XIRP2: variants seen among roughly 807,000 people sequenced by gnomAD.
The protein encoded by XIRP2 is xin actin binding repeat containing 2.
Under a neutral mutation model 277.0 loss-of-function variants are expected in XIRP2, and 236 were observed. That is an observed-to-expected ratio of 0.85 (90% confidence interval 0.77 to 0.95). The LOEUF is 0.95. XIRP2 is among the 40% of genes least tolerant of loss of function. The pLI is 0.00. For missense variants in XIRP2, 4,640 were observed against 4,157.5 expected, an observed-to-expected ratio of 1.12 and a Z score of -3.19; for synonymous variants, 1,490 against 1,416.5, an observed-to-expected ratio of 1.05 and a Z score of -1.17.
At chr2:166,998,023 T>C (rs951485151) in intron 2 of XIRP2, among the ~76,000 whole-genome samples, 8 of 152,210 alleles carry the variant, frequency 5.3e-5, no homozygotes, top group African/African-American at 1.9e-4. Flanking sequence ...GAGAGAGATA[T>C]TATGAAATTT....
chr2:167,259,294 G>A lies in XIRP2; in HGVS notation c.*1477G>A. 1.2e-6 allele frequency: 2 copies of A among 1,613,172 alleles called. No individual in the cohort carries two copies. On this transcript the variant is annotated 3_prime_UTR_variant, in exon 11 of 11. Coordinates refer to ENST00000409195, the MANE Select transcript of XIRP2 (RefSeq NM_152381.6). ...CTAAGCCTTTGTTTCCCAGAGTGGA[G>A]GTGCAGTCAGAACAACTCACGGTGG...
chr2:167,194,188 T>G (rs1693432966), intron 3 of XIRP2, among the ~76,000 whole-genome samples: 1 of 151,838 alleles, frequency 6.6e-6, no homozygotes, highest in Non-Finnish European at 1.5e-5. Flanking sequence ...TTCAAGTGAT[T>G]CTCCTGCTTC....
chr2:167,236,167 A>G (rs1251682084), intron 5 of XIRP2, among the ~76,000 whole-genome samples: 2 of 151,904 alleles, frequency 1.3e-5, no homozygotes, highest in African/African-American at 4.8e-5. Context: ...ACCCTCTACT[A>G]TTCTGCCAGT....
chr2:166,939,169 G>A (rs576721714), intron 2 of XIRP2, among the ~76,000 whole-genome samples: 43 of 152,278 alleles, frequency 2.8e-4, no homozygotes, highest in African/African-American at 9.4e-4. Context: ...ATTAATTGAT[G>A]CAGTTTCTTC....
At chr2:167,155,104 A>G (rs2105335149) in intron 3 of XIRP2, among the ~76,000 whole-genome samples, 1 of 151,320 alleles carries the variant, frequency 6.6e-6, no homozygotes, top group Admixed American at 6.6e-5. Flanking sequence ...GCAATAATCA[A>G]TAGCTTACCA....
chr2:166,903,319 C>T (rs2105336238), intron 1 of XIRP2, 146 bp from the exon 2 acceptor site: 4 of 728,720 alleles, frequency 5.5e-6, no homozygotes, highest in East Asian at 2.7e-5. Context: ...AGTGAAGAGC[C>T]AGAAATTGTG....
At chr2:167,094,557 A>G (rs1475309159) in intron 2 of XIRP2, among the ~76,000 whole-genome samples, 1 of 152,156 alleles carries the variant, frequency 6.6e-6, no homozygotes, top group Non-Finnish European at 1.5e-5. Flanking sequence ...TCCCAACACC[A>G]TTTATTAAAT....
At position 166,955,238 on chromosome 2, in the gene XIRP2, A is replaced by G. The variant is rs140174404; in HGVS notation, c.408+51348A>G. Among the ~76,000 whole-genome samples, 969 of 151,996 alleles carry G rather than the reference A, an allele frequency of 6.4e-3. 15 individuals carry two copies. Among genetic ancestry groups the G allele is most frequent in the African/African-American group, 0.022 (920 of 41,504 alleles). ...ACGGAAAACTATTCAGCCATAAGAAAGAATAAATTACTGACTCGTGCTATG... is the reference window on the plus strand; with the variant it reads ...ACGGAAAACTATTCAGCCATAAGAAGGAATAAATTACTGACTCGTGCTATG... On this transcript the variant is annotated intron_variant, in intron 2 of 10. Coordinates refer to ENST00000409195, the MANE Select transcript of XIRP2 (RefSeq NM_152381.6).
chr2:167,159,622 G>C lies in XIRP2; in HGVS notation c.562+23560G>C, dbSNP rs560304704. Among the ~76,000 whole-genome samples the C allele has an allele frequency of 1.6e-4, 25 of 152,068 alleles. 1 individual carries two copies. In the South Asian group the frequency reaches 5.0e-3, roughly 30 times the overall value. On this transcript the variant is annotated intron_variant, in intron 3 of 10. Coordinates refer to ENST00000409195, the MANE Select transcript of XIRP2 (RefSeq NM_152381.6). ...GTCCCTTTTCTGACCATGAGACATT[G>C]GGCAAAATATGTTGGGAAAAATATT...
intron 2 of XIRP2, among the ~76,000 whole-genome samples, chr2:166,985,625 T>C (rs1299544344): frequency 6.6e-6 from 1 of 151,948 alleles, no homozygotes; most frequent in Non-Finnish European, 1.5e-5. Flanking sequence ...AGAGACAGGG[T>C]TTCACCGTAT....
Position 167,249,749 on chromosome 2 carries a change from C to G in XIRP2, c.8357C>G (p.Thr2786Arg). Residue 2786 changes from threonine (T) to arginine (R), a missense_variant, in exon 9 of 11, where the codon ACA (threonine) becomes AGA (arginine). Transcript: ENST00000409195. The part of the protein sequence containing the change: ...KEKRVTVQLP[T>R]ESIQKNQEDK... ...AAAAGAGTGACAGTACAATTGCCTA[C>G]AGAATCCATACAGAAGAACCAGGAA... 1 of 1,613,248 alleles carries G rather than the reference C, an allele frequency of 6.2e-7. No individual in the cohort carries two copies. The highest frequency in any genetic ancestry group is 8.5e-7 in the Non-Finnish European group (1 of 1,179,724).
chr2:167,096,790 A>AT (rs1254386997), intron 2 of XIRP2, among the ~76,000 whole-genome samples: 2 of 151,914 alleles, frequency 1.3e-5, no homozygotes, highest in African/African-American at 2.4e-5. Flanking sequence ...TTCTGCCTTA[A>AT]TTTTTTTATT....
intron 4 of XIRP2, among the ~76,000 whole-genome samples, chr2:167,217,583 AT>A (rs1209675558): frequency 1.3e-5 from 2 of 152,164 alleles, no homozygotes; most frequent in African/African-American, 4.8e-5. Context: ...AATGTGGGTA[AT>A]AGGTGTCCAT....
intron 3 of XIRP2, among the ~76,000 whole-genome samples, chr2:167,163,732 T>C (rs1450216178): frequency 6.6e-6 from 1 of 152,248 alleles, no homozygotes; most frequent in African/African-American, 2.4e-5. Flanking sequence ...CTTTCTACTC[T>C]AGAATTGCAA....
In XIRP2 at chr2:166,962,860, T is replaced by C. The variant is rs115656778; in HGVS notation, c.408+58970T>C. 6.1e-3 allele frequency among the ~76,000 whole-genome samples: 926 copies of C among 151,796 alleles called. 12 individuals are homozygous for C. Among genetic ancestry groups the C allele is most frequent in the African/African-American group, 0.021 (878 of 41,486 alleles). On this transcript the variant is annotated intron_variant, in intron 2 of 10. Coordinates refer to ENST00000409195, the MANE Select transcript of XIRP2 (RefSeq NM_152381.6). ...CCCCAAATTTCTGTACCAGAACAGATTTAAACCAGTTTTTTTCTTACATTT... is the reference window on the plus strand; with the variant it reads ...CCCCAAATTTCTGTACCAGAACAGACTTAAACCAGTTTTTTTCTTACATTT...
chr2:167,115,068 A>G (rs1366876772), intron 2 of XIRP2, among the ~76,000 whole-genome samples: 2 of 152,168 alleles, frequency 1.3e-5, no homozygotes, highest in Non-Finnish European at 2.9e-5. Flanking sequence ...CCAACAGTGT[A>G]AAAGTGTTCC....
chr2:167,181,224 G>A (rs932635796), intron 3 of XIRP2, among the ~76,000 whole-genome samples: 6 of 152,190 alleles, frequency 3.9e-5, no homozygotes, highest in Non-Finnish European at 7.3e-5. Context: ...ATGTTTACAC[G>A]GAATTGGTGA....
intron 1 of XIRP2, among the ~76,000 whole-genome samples, chr2:166,890,191 C>T (rs551627220): frequency 6.6e-6 from 1 of 152,030 alleles, no homozygotes; most frequent in African/African-American, 2.4e-5. Flanking sequence ...GATGGGGTTT[C>T]ACCGTGTTAG....
At chr2:167,011,233 TGA>T (rs1331740796) in intron 2 of XIRP2, among the ~76,000 whole-genome samples, 4 of 151,600 alleles carry the variant, frequency 2.6e-5, no homozygotes, top group Non-Finnish European at 5.9e-5. Context: ...CTTATTATTT[TGA>T]GATACATCCC....
Sources: gnomAD v4.1 joint callset for allele counts (sites outside exome capture counted in the v4.1 genomes callset) on GRCh38, gnomAD v4.1.1 for gene constraint, MANE v1.5 for transcripts, NCBI Gene and HGNC (gene_info 2026-07-23, HGNC 2026-07-21) for gene names.